TMPRSS11F: variants seen among roughly 807,000 people sequenced by gnomAD.
TMPRSS11F encodes the protein transmembrane serine protease 11F.
TMPRSS11F carries 47 observed loss-of-function variants against 60.2 expected under a neutral mutation model. That is an observed-to-expected ratio of 0.78 (90% CI 0.62 to 1.00). TMPRSS11F has a LOEUF of 1.00. Among genes scored for constraint, TMPRSS11F ranks in the 50% least tolerant of loss-of-function variants. The pLI, the probability that TMPRSS11F is intolerant of heterozygous loss-of-function variation, is 0.00. For missense variants in TMPRSS11F, 519 were observed against 522.9 expected, an observed-to-expected ratio of 0.99 and a Z score of 0.07; for synonymous variants, 166 against 167.3, an observed-to-expected ratio of 0.99 and a Z score of 0.06.
chr4:68,062,660 A>G (rs1413907216), intron 8 of TMPRSS11F: 1 of 772,314 alleles, frequency 1.3e-6, no homozygotes, highest in Non-Finnish European at 2.4e-6. Flanking sequence ...AATCCAGCCT[A>G]TCATCTTTCT....
intron 7 of TMPRSS11F, among the ~76,000 whole-genome samples, chr4:68,066,759 C>T (rs565064063): frequency 6.6e-6 from 1 of 152,076 alleles, no homozygotes; most frequent in African/African-American, 2.4e-5. Context: ...CACGGTGAAA[C>T]CCTGTCACTA....
In TMPRSS11F at chr4:68,053,548, T is replaced by C. The variant is rs971265795; in HGVS notation, c.*361A>G. 6 of 165,566 alleles carry C rather than the reference T, an allele frequency of 3.6e-5. No individual in the cohort carries two copies. Among genetic ancestry groups the C allele is most frequent in the African/African-American group, 1.4e-4 (6 of 41,962 alleles). The allele number at this position is 165,566 out of a possible 1,614,324, so 10.3% of individuals were successfully genotyped here. A position where few individuals can be genotyped will look rare whatever the true frequency, so the allele number is the denominator to read the frequency against. ...CTAGAAGAATCTCACATGCTCCAGG[T>C]ATTATATGAGGTAAGATTTTGGCAT... On this transcript the variant is annotated 3_prime_UTR_variant, in exon 10 of 10. Coordinates refer to ENST00000356291, the MANE Select transcript of TMPRSS11F (RefSeq NM_207407.2).
rs888509783 is a variant in TMPRSS11F, at chr4:68,111,567, T to G, written c.12-12529A>C. Reference sequence around the variant, plus strand: ...ACAATGTCTGACAGGTAATAGGCTATAAAAGGAAACTATTATAATTATTAT... The same window carrying G: ...ACAATGTCTGACAGGTAATAGGCTAGAAAAGGAAACTATTATAATTATTAT... On this transcript the variant is annotated intron_variant, in intron 1 of 9. Coordinates refer to ENST00000356291, the MANE Select transcript of TMPRSS11F (RefSeq NM_207407.2). Among the ~76,000 whole-genome samples, 5 of 152,190 alleles carry G rather than the reference T, an allele frequency of 3.3e-5. No homozygotes were observed. In the East Asian group the frequency reaches 9.6e-4, roughly 29 times the overall value.
intron 3 of TMPRSS11F, among the ~76,000 whole-genome samples, chr4:68,076,833 G>C (rs1352434810): frequency 6.6e-6 from 1 of 152,172 alleles, no homozygotes; most frequent in East Asian, 1.9e-4. Context: ...AGCAAAAACA[G>C]GCATCACTTG....
intron 1 of TMPRSS11F, among the ~76,000 whole-genome samples, chr4:68,117,091 T>A (rs1053815938): frequency 2.0e-5 from 3 of 152,140 alleles, no homozygotes; most frequent in African/African-American, 7.2e-5. Flanking sequence ...TTGCAAGCCA[T>A]GTATTTGATA....
intron 1 of TMPRSS11F, among the ~76,000 whole-genome samples, chr4:68,124,805 C>T (rs773706484): frequency 2.0e-5 from 3 of 152,084 alleles, no homozygotes; most frequent in Non-Finnish European, 4.4e-5. Flanking sequence ...TAGACACACC[C>T]TACACTCCGT....
intron 1 of TMPRSS11F, among the ~76,000 whole-genome samples, chr4:68,100,494 G>A (rs2109872678): frequency 6.6e-6 from 1 of 152,220 alleles, no homozygotes; most frequent in African/African-American, 2.4e-5. Context: ...GTGGAGAGGA[G>A]GCGATGGATT....
chr4:68,059,025 C>A (rs1192996652), intron 9 of TMPRSS11F, among the ~76,000 whole-genome samples: 1 of 151,962 alleles, frequency 6.6e-6, no homozygotes, highest in Non-Finnish European at 1.5e-5. Context: ...CTGTCGCTGT[C>A]ATTAAAAAAT....
chr4:68,098,812 T>G (rs527733440), intron 2 of TMPRSS11F, 75 bp downstream of exon 2: 144 of 1,386,302 alleles, frequency 1.0e-4, no homozygotes, highest in Middle Eastern at 1.9e-4. Flanking sequence ...AAATGTCACT[T>G]TTTATACAAC....
At chr4:68,096,283 A>G (rs998795498) in intron 2 of TMPRSS11F, among the ~76,000 whole-genome samples, 1 of 152,168 alleles carries the variant, frequency 6.6e-6, no homozygotes, top group Admixed American at 6.5e-5. Flanking sequence ...TGAGGAAATA[A>G]TCAATAAGAA....
intron 3 of TMPRSS11F, among the ~76,000 whole-genome samples, chr4:68,074,989 G>C (rs1560397820): frequency 6.6e-6 from 1 of 152,086 alleles, no homozygotes; most frequent in African/African-American, 2.4e-5. Context: ...ATAATAAATA[G>C]ATTAAAAAAT....
chr4:68,124,220 T>TAA (rs71218935), intron 1 of TMPRSS11F, among the ~76,000 whole-genome samples: 175 of 144,464 alleles, frequency 1.2e-3, no homozygotes, highest in Middle Eastern at 3.7e-3. Context: ...GACTCTGTCT[T>TAA]AAAAAAAAAA....
intron 1 of TMPRSS11F, among the ~76,000 whole-genome samples, chr4:68,125,038 G>A (rs1724690528): frequency 7.0e-6 from 1 of 142,728 alleles, no homozygotes; most frequent in Admixed American, 7.6e-5. Context: ...TGCTGCATTG[G>A]TCATTCCATA....
intron 3 of TMPRSS11F, among the ~76,000 whole-genome samples, chr4:68,078,168 G>A (rs1723623704): frequency 6.6e-6 from 1 of 152,074 alleles, no homozygotes; most frequent in African/African-American, 2.4e-5. Flanking sequence ...CCCTGATCCT[G>A]GTCCAGCTGG....
In TMPRSS11F at chr4:68,090,640, A is replaced by G. The variant is rs1045507794; in HGVS notation, c.165T>C (p.Asp55=). 4.4e-6 allele frequency: 7 copies of G among 1,591,154 alleles called. No homozygotes were observed. In the African/African-American group the frequency reaches 6.8e-5, roughly 15 times the overall value. The part of the protein sequence containing the change: ...IGIVTHFVVE[D]DKSFYYLASF... ...AGGCAAGGTAATAGAAAGACTTATC[A>G]TCTGAAAGGTAAAACAAACAAAAGT... is the stretch of plus-strand genomic sequence containing the variant. Residue 55 remains aspartate, a splice_region_variant and synonymous_variant, in exon 3 of 10, where the codon GAT becomes GAC. Transcript: ENST00000356291.
At chr4:68,114,407 A>G (rs1370526186) in intron 1 of TMPRSS11F, among the ~76,000 whole-genome samples, 1 of 152,106 alleles carries the variant, frequency 6.6e-6, no homozygotes, top group African/African-American at 2.4e-5. Flanking sequence ...TATTAAACAT[A>G]AAAGAATGAT....
intron 1 of TMPRSS11F, among the ~76,000 whole-genome samples, chr4:68,119,023 G>A (rs1449251974): frequency 6.6e-6 from 1 of 152,090 alleles, no homozygotes; most frequent in African/African-American, 2.4e-5. Flanking sequence ...AAAGTTCTTT[G>A]AGTAAATTAA....
chr4:68,086,390 G>A (rs982019157), intron 3 of TMPRSS11F, among the ~76,000 whole-genome samples: 20 of 152,058 alleles, frequency 1.3e-4, no homozygotes, highest in African/African-American at 4.6e-4. Context: ...TAAGAGGAAC[G>A]TCTATAGCAC....
At chr4:68,082,450 G>C (rs2109856250) in intron 3 of TMPRSS11F, among the ~76,000 whole-genome samples, 1 of 152,340 alleles carries the variant, frequency 6.6e-6, no homozygotes, top group South Asian at 2.1e-4. Flanking sequence ...CGCAGGGCCA[G>C]GAGAGAGCAG....
Sources: allele counts gnomAD v4.1 joint callset (sites outside exome capture counted in the v4.1 genomes callset), GRCh38; gene constraint gnomAD v4.1.1; transcripts MANE v1.5; gene names NCBI Gene and HGNC (gene_info 2026-07-23, HGNC 2026-07-21).